The following RGL3 variants were observed in gnomAD, a reference collection of about 807,000 sequenced individuals.
The protein encoded by RGL3 is ral guanine nucleotide dissociation stimulator like 3, also known as ral guanine nucleotide dissociation stimulator-like 3.
In RGL3, 85 loss-of-function variants were observed where a neutral mutation model predicts 90.6. The observed-to-expected ratio is 0.94, with a 90% CI of 0.79 to 1.12. The LOEUF is 1.12. Ranked by LOEUF, RGL3 falls within the 50% of genes most tolerant of loss-of-function variation. RGL3 has a pLI of 0.00. For synonymous variants in RGL3, 408 were observed against 385.5 expected, an observed-to-expected ratio of 1.06 and a Z score of -0.68; for missense variants, 1,034 against 939.2, an observed-to-expected ratio of 1.10 and a Z score of -1.32.
At chr19:11,414,640 G>A (rs1283016258) in intron 5 of RGL3, among the ~76,000 whole-genome samples, 2 of 149,500 alleles carry the variant, frequency 1.3e-5, no homozygotes, top group African/African-American at 4.9e-5. Flanking sequence ...ATTAAGCGAT[G>A]GGGATTAGGG....
intron 4 of RGL3, 56 bp from the exon 5 acceptor site, chr19:11,416,204 G>T: frequency 1.5e-5 from 16 of 1,042,780 alleles, no homozygotes; most frequent in Non-Finnish European, 1.9e-5. Context: ...CATAGAATAT[G>T]ACTCCTGGTA....
At chr19:11,394,708 C>T in intron 18 of RGL3, 188 bp from the exon 19 acceptor site, 2 of 566,616 alleles carry the variant, frequency 3.5e-6, no homozygotes, top group South Asian at 4.0e-5. Flanking sequence ...AAAACTTGCA[C>T]CACCTCATGC....
At chr19:11,399,178 A>G (rs189531791) in intron 16 of RGL3, among the ~76,000 whole-genome samples, 1 of 151,890 alleles carries the variant, frequency 6.6e-6, no homozygotes, top group African/African-American at 2.4e-5. Context: ...GGCCTCAAGC[A>G]ATCCTCCCAC....
chr19:11,397,427 C>T lies in RGL3; in HGVS notation c.1899+18G>A, dbSNP rs776722608. 1 of 1,595,614 alleles carries T rather than the reference C, an allele frequency of 6.3e-7. No individual in the cohort carries two copies. Among genetic ancestry groups the T allele is most frequent in the African/African-American group, 1.3e-5 (1 of 74,834 alleles). On this transcript the variant is annotated intron_variant, in intron 17 of 18. Transcript: ENST00000380456. ...AGGGCAGGGCAGCCTCCAGCAGACC[C>T]CCAGCCCAGCCCCTCACCAAGATGC...
intron 9 of RGL3, among the ~76,000 whole-genome samples, chr19:11,404,537 A>G (rs1486993527): frequency 6.6e-6 from 1 of 151,868 alleles, no homozygotes. Flanking sequence ...AATACAAACA[A>G]ACAAAGAAAC....
rs763512843 is a variant in RGL3 at position 11,402,293 on chromosome 19, C to G, written c.1330-46G>C. On this transcript the variant is annotated intron_variant, in intron 11 of 18. Transcript: ENST00000380456. ...AATTGCAGCACCCAGGGTCAAGGGT[C>G]AAGGGTCAAGGTCAGGGGCTGGGAT... The G allele has an allele frequency of 5.6e-6, 8 of 1,422,792 alleles. No homozygotes were observed. The South Asian group carries it at 8.5e-5, about 15-fold the overall frequency. 88.1% of individuals were successfully genotyped at this position (1,422,792 alleles called of 1,614,324 possible).
Position 11,397,239 on chromosome 19 carries a change from C to T in RGL3, c.2014+5G>A. ...TATCCTGAGCTCCAACCCATCCCTG[C>T]TCACCCCGGTCCCCAGGAAGGACTT... On this transcript the variant is annotated splice_donor_5th_base_variant and intron_variant, in intron 18 of 18. Transcript: ENST00000380456. 1 of 1,612,724 alleles carries T rather than the reference C, an allele frequency of 6.2e-7. No homozygotes were observed. The highest frequency in any genetic ancestry group is 8.5e-7 in the Non-Finnish European group (1 of 1,178,952).
chr19:11,396,071 A>G (rs1305756917), intron 18 of RGL3, among the ~76,000 whole-genome samples: 2 of 132,086 alleles, frequency 1.5e-5, no homozygotes, highest in African/African-American at 2.8e-5. Context: ...GGAGTTGGGA[A>G]TACAGGCACA....
intron 7 of RGL3, among the ~76,000 whole-genome samples, 176 bp downstream of exon 7, chr19:11,406,243 G>C (rs1423251427): frequency 1.3e-5 from 2 of 151,858 alleles, no homozygotes; most frequent in African/African-American, 2.4e-5. Flanking sequence ...TCGTGCCCGC[G>C]GCCTCTCTGC....
In RGL3 at chr19:11,414,249, TTATATATATACCTTTA is replaced by T. The variant is rs1174688312; in HGVS notation, c.637+1672_637+1687del. Among the ~76,000 whole-genome samples, 87 of 78,464 alleles carry T rather than the reference TTATATATATACCTTTA, an allele frequency of 1.1e-3. 1 individual carries two copies. Among genetic ancestry groups the T allele is most frequent in the Middle Eastern group, 5.9e-3 (1 of 170 alleles). The allele number at this position is 78,464 out of a possible 152,430, so 51.5% of individuals were successfully genotyped here. On this transcript the variant is annotated intron_variant, in intron 5 of 18. Transcript: ENST00000380456. ...TATACCTTTATATATATATATACCT[TTATATATATACCTTTA>T]TATATATATACCTTTATATATATAT...
Position 11,394,502 on chromosome 19 carries a change from T to C in RGL3, c.2033A>G (p.Asn678Ser). ...ACTCATGGCATAGAAGACGTTGGCATTGTCAGGAATCAGGAGCACTGGTCA... is the reference window on the plus strand; with the variant it reads ...ACTCATGGCATAGAAGACGTTGGCACTGTCAGGAATCAGGAGCACTGGTCA... ...PGDRVLLIPD[N>S]ANVFYAMSPV... The change falls in exon 19 of 19, where the codon AAT becomes AGT. Residue 678 changes from asparagine (N) to serine (S), a missense_variant. Asn to Ser is a conservative substitution (Grantham distance 46). Transcript: ENST00000380456. 2.5e-6 allele frequency: 4 copies of C among 1,613,824 alleles called. No individual in the cohort carries two copies. The highest frequency in any genetic ancestry group is 4.5e-5 in the East Asian group (2 of 44,872).
Position 11,414,910 on chromosome 19 carries a change from G to A in RGL3, c.637+1027C>T, listed in dbSNP as rs145625985. Among the ~76,000 whole-genome samples the A allele has an allele frequency of 3.9e-3, 590 of 152,084 alleles. 5 individuals carry two copies. The highest frequency in any genetic ancestry group is 0.014 in the African/African-American group (566 of 41,484). ...CCAGCATTTTGGGAGGCCAAGGCAG[G>A]CAGATCACTTGAGTTCAGGAGTTTG... On this transcript the variant is annotated intron_variant, in intron 5 of 18. Transcript: ENST00000380456.
At position 11,397,322 on chromosome 19, in the gene RGL3, G is replaced by A. The variant is rs149363067; in HGVS notation, c.1936C>T (p.Arg646Ter). 2.6e-5 allele frequency: 42 copies of A among 1,609,666 alleles called. No homozygotes were observed. The highest frequency in any genetic ancestry group is 3.3e-4 in the Middle Eastern group (2 of 6,040). ...SQDKAPSVVR[R>*]ALQKHNVPQP... ...GGCACATTGTGCTTCTGCAAGGCTC[G>A]CCGGACCACGCTGGGGGCTTTGTCC... The change falls in exon 18 of 19, where the codon CGA becomes TGA. Residue 646 changes from arginine (R) to a stop codon, truncating the protein, a stop_gained. Coordinates refer to ENST00000380456, the MANE Select transcript of RGL3 (RefSeq NM_001035223.4). LOFTEE classifies it high-confidence loss of function.
intron 5 of RGL3, among the ~76,000 whole-genome samples, chr19:11,410,016 G>A (rs1188808056): frequency 2.6e-5 from 4 of 151,732 alleles, no homozygotes; most frequent in African/African-American, 7.3e-5. Flanking sequence ...TCGGCTCACT[G>A]CAACCTCTGC....
At chr19:11,397,379 G>A (rs749732171) in intron 17 of RGL3, 21 bp from the exon 18 acceptor site, 36 of 1,591,472 alleles carry the variant, frequency 2.3e-5, no homozygotes, top group Non-Finnish European at 8.6e-6. Flanking sequence ...GGGGCGGGAG[G>A]TGAGGTGAGG....
Position 11,402,507 on chromosome 19 carries a change from G to T in RGL3, c.1277C>A (p.Thr426Asn). The T allele has an allele frequency of 1.2e-6, 2 of 1,605,194 alleles. No homozygotes were observed. Among genetic ancestry groups the T allele is most frequent in the Non-Finnish European group, 8.5e-7 (1 of 1,177,032 alleles). Reference sequence around the variant, plus strand: ...CAGCATAACCAGGTCCGTAAGGAAGGTGCCAAGGTAGGGGACAGGGCCTGG... The same window carrying T: ...CAGCATAACCAGGTCCGTAAGGAAGTTGCCAAGGTAGGGGACAGGGCCTGG... Reference protein sequence around the residue: ...PPPGPVPYLGTFLTDLVMLDT... With the variant: ...PPPGPVPYLGNFLTDLVMLDT... Residue 426 changes from threonine to asparagine, a missense_variant, in exon 11 of 19, where the codon ACC (threonine) becomes AAC (asparagine). By Grantham distance (65) the Thr-to-Asn change is moderately conservative. Transcript: ENST00000380456.
chr19:11,412,291 A>AG (rs1296861217), intron 5 of RGL3, among the ~76,000 whole-genome samples: 3 of 151,830 alleles, frequency 2.0e-5, no homozygotes, highest in Non-Finnish European at 4.4e-5. Context: ...AAAAAAAAAA[A>AG]AAAAAAAAGT....
intron 18 of RGL3, among the ~76,000 whole-genome samples, chr19:11,396,126 CTCTCTCTCTCTATATATA>C (rs1968562496): frequency 1.7e-5 from 1 of 58,092 alleles, no homozygotes; most frequent in Non-Finnish European, 3.4e-5. Context: ...CTCTCTCTCT[CTCTCTCTCTCTATATATA>C]TATATATATA....
In RGL3 at chr19:11,402,058, G is replaced by T; in HGVS notation, c.1437C>A (p.Pro479=). The T allele has an allele frequency of 6.4e-7, 1 of 1,574,106 alleles. No homozygotes were observed. The highest frequency in any genetic ancestry group is 8.6e-7 in the Non-Finnish European group (1 of 1,159,918). Reference sequence around the variant, plus strand: ...TCTGGGCATGCAGGGCAGCCAGGATGGGCGGGTGGGGGCTCAGGGTGTAGC... The same window carrying T: ...TCTGGGCATGCAGGGCAGCCAGGATTGGCGGGTGGGGGCTCAGGGTGTAGC... ...CQSYTLSPHP[P]ILAALHAQNQ... Residue 479 remains proline, a synonymous_variant, in exon 13 of 19, where the codon CCC becomes CCA. Transcript: ENST00000380456.
Sources: allele counts gnomAD v4.1 joint callset (sites outside exome capture counted in the v4.1 genomes callset), GRCh38; gene constraint gnomAD v4.1.1; transcripts MANE v1.5; gene names NCBI Gene and HGNC (gene_info 2026-07-23, HGNC 2026-07-21).